ITPR1: variants seen among roughly 807,000 people sequenced by gnomAD.
The protein encoded by ITPR1 is inositol 1,4,5-trisphosphate-gated calcium channel ITPR1.
Under a neutral mutation model 318.4 loss-of-function variants are expected in ITPR1, and 96 were observed. The ratio of observed to expected loss-of-function variants is 0.30; its 90% CI spans 0.26 to 0.36. The LOEUF is 0.36. Among genes scored for constraint, ITPR1 ranks in the 10% least tolerant of loss-of-function variants. The probability of loss-of-function intolerance (pLI) is 1.00; values close to 1 mark genes in which losing one functional copy is unlikely to be tolerated. For missense variants in ITPR1, 2,440 were observed against 3,460.2 expected (o/e 0.71, Z 7.40); for synonymous variants, 1,312 against 1,289.9 (o/e 1.02, Z -0.37).
chr3:4,604,233 T>C (rs1016332172), intron 4 of ITPR1, among the ~76,000 whole-genome samples: 2 of 152,260 alleles, frequency 1.3e-5, no homozygotes, highest in South Asian at 2.1e-4. Flanking sequence ...GGAAGACTTC[T>C]GTGCTGGCAA....
chr3:4,830,329 A>AT lies in ITPR1; in HGVS notation c.8029-6439dup, dbSNP rs142896850. Among the ~76,000 whole-genome samples the AT allele has an allele frequency of 8.8e-3, 1,340 of 151,864 alleles. 21 individuals carry two copies. The highest frequency in any genetic ancestry group is 0.031 in the African/African-American group (1,276 of 41,418). ...AGAGCTACTGAACATAAAGATGACT[A>AT]TTTTTTCACCAAAACCAACAGATTC... On this transcript the variant is annotated intron_variant, in intron 60 of 61. Coordinates refer to ENST00000649015, the MANE Select transcript of ITPR1 (RefSeq NM_001378452.1).
intron 35 of ITPR1, among the ~76,000 whole-genome samples, chr3:4,701,939 C>T (rs3792491): frequency 6.6e-6 from 1 of 152,046 alleles, no homozygotes; most frequent in Non-Finnish European, 1.5e-5. Context: ...AGACCTCTTT[C>T]GGGGTTTTCA....
intron 4 of ITPR1, among the ~76,000 whole-genome samples, chr3:4,563,398 A>G (rs1469350564): frequency 6.6e-6 from 1 of 152,082 alleles, no homozygotes; most frequent in Non-Finnish European, 1.5e-5. Context: ...GGTCCCAGCT[A>G]CTCAGGAGGC....
chr3:4,809,369 T>C (rs1173373526), intron 55 of ITPR1, among the ~76,000 whole-genome samples: 1 of 152,206 alleles, frequency 6.6e-6, no homozygotes, highest in African/African-American at 2.4e-5. Context: ...AAAAAACATA[T>C]TGGTTATGTT....
At chr3:4,759,724 G>A (rs186318985) in intron 44 of ITPR1, among the ~76,000 whole-genome samples, 4 of 152,324 alleles carry the variant, frequency 2.6e-5, no homozygotes, top group Admixed American at 6.5e-5. Flanking sequence ...TTTTGGGACC[G>A]GAGAGGAGCA....
In ITPR1 at chr3:4,770,889, A is replaced by G. The variant is rs17729398; in HGVS notation, c.5979+2125A>G. ...CATTGTCCACCCTCCACCTTCCATA[A>G]CCCTACCACTAGTCACGGGATTCAG... On this transcript the variant is annotated intron_variant, in intron 46 of 61. Transcript: ENST00000649015. Among the ~76,000 whole-genome samples the G allele has an allele frequency of 8.9e-3, 1,349 of 151,880 alleles. 12 individuals carry two copies. Among genetic ancestry groups the G allele is most frequent in the Middle Eastern group, 0.02 (6 of 294 alleles).
chr3:4,642,777 A>C (rs2093367065), intron 7 of ITPR1, among the ~76,000 whole-genome samples: 1 of 152,152 alleles, frequency 6.6e-6, no homozygotes, highest in South Asian at 2.1e-4. Flanking sequence ...ACAGTATATA[A>C]AGCCACAGGA....
At chr3:4,635,633 CTG>C (rs2125142206) in intron 5 of ITPR1, among the ~76,000 whole-genome samples, 1 of 152,230 alleles carries the variant, frequency 6.6e-6, no homozygotes, top group Admixed American at 6.5e-5. Flanking sequence ...GCATGAGCCA[CTG>C]CGCCCAGCCA....
At chr3:4,789,983 A>G (rs1360315080) in intron 52 of ITPR1, among the ~76,000 whole-genome samples, 2 of 152,242 alleles carry the variant, frequency 1.3e-5, no homozygotes, top group Non-Finnish European at 2.9e-5. Context: ...CCTTATCAGA[A>G]TATGTGTCTA....
chr3:4,816,649 A>T (rs2049322309), intron 59 of ITPR1, among the ~76,000 whole-genome samples: 1 of 152,198 alleles, frequency 6.6e-6, no homozygotes, highest in African/African-American at 2.4e-5. Flanking sequence ...TTAGCTTCCC[A>T]AAGTGTTAGG....
chr3:4,743,546 G>A (rs12638018), intron 44 of ITPR1, among the ~76,000 whole-genome samples: 64,844 of 152,054 alleles, frequency 0.43, 14,967 homozygotes, highest in East Asian at 0.93. Flanking sequence ...CCTCCAGGTT[G>A]GTGATAAGAG....
chr3:4,523,146 G>A (rs1032126845), intron 4 of ITPR1, among the ~76,000 whole-genome samples: 1 of 152,196 alleles, frequency 6.6e-6, no homozygotes, highest in Admixed American at 6.5e-5. Context: ...ACCAAGGGGA[G>A]GGATATGCGT....
chr3:4,623,229 G>A (rs188184913), intron 4 of ITPR1, among the ~76,000 whole-genome samples: 2 of 152,284 alleles, frequency 1.3e-5, no homozygotes, highest in African/African-American at 2.4e-5. Context: ...GCTCCAGCAT[G>A]CCCTTGATAC....
At chr3:4,635,632 A>G (rs919574630) in intron 5 of ITPR1, among the ~76,000 whole-genome samples, 4 of 152,000 alleles carry the variant, frequency 2.6e-5, no homozygotes, top group African/African-American at 4.8e-5. Context: ...GGCATGAGCC[A>G]CTGCGCCCAG....
intron 4 of ITPR1, among the ~76,000 whole-genome samples, chr3:4,534,776 G>A (rs2083710232): frequency 6.6e-6 from 1 of 152,116 alleles, no homozygotes; most frequent in African/African-American, 2.4e-5. Context: ...AAGCTCGCTT[G>A]GACTTATGCT....
At position 4,545,015 on chromosome 3, in the gene ITPR1, C is replaced by G. The variant is rs139227357; in HGVS notation, c.163+23921C>G. Among the ~76,000 whole-genome samples the G allele has an allele frequency of 4.6e-5, 7 of 152,000 alleles. 1 individual carries two copies. Among genetic ancestry groups the G allele is most frequent in the Non-Finnish European group, 7.4e-5 (5 of 67,988 alleles). On this transcript the variant is annotated intron_variant, in intron 4 of 61. Coordinates refer to ENST00000649015, the MANE Select transcript of ITPR1 (RefSeq NM_001378452.1). ...CTCCCTATGTTGCCCAAGCTGGTCT[C>G]GAACTCCTGGGCTCTAGCAATCCTT...
intron 44 of ITPR1, among the ~76,000 whole-genome samples, chr3:4,761,278 C>G (rs2045426727): frequency 1.3e-5 from 2 of 152,208 alleles, no homozygotes; most frequent in Admixed American, 1.3e-4. Flanking sequence ...CCCGCCCAGG[C>G]ACTCCCCACT....
chr3:4,668,175 C>G (rs900252975), intron 18 of ITPR1, among the ~76,000 whole-genome samples: 4 of 151,604 alleles, frequency 2.6e-5, no homozygotes, highest in Non-Finnish European at 4.4e-5. Flanking sequence ...TGTAATTACC[C>G]AATTTACCTA....
intron 57 of ITPR1, among the ~76,000 whole-genome samples, chr3:4,813,448 C>T (rs1016845386): frequency 1.3e-5 from 2 of 152,098 alleles, no homozygotes; most frequent in East Asian, 1.9e-4. Flanking sequence ...ACTGAGTGCC[C>T]GCCATTTGCC....
Sources: allele counts gnomAD v4.1 joint callset (sites outside exome capture counted in the v4.1 genomes callset), GRCh38; gene constraint gnomAD v4.1.1; transcripts MANE v1.5; gene names NCBI Gene and HGNC (gene_info 2026-07-23, HGNC 2026-07-21).